The following KLF12 variants were observed in gnomAD, a reference collection of about 807,000 sequenced individuals.
The protein encoded by KLF12 is KLF transcription factor 12, also known as Krueppel-like factor 12.
In KLF12, 9 loss-of-function variants were observed where a neutral mutation model predicts 37.8. That is an observed-to-expected ratio of 0.24 (90% CI 0.14 to 0.42). The LOEUF is 0.42. Ranked by LOEUF, KLF12 falls within the 10% of genes least tolerant of loss-of-function variation. The pLI, the probability that KLF12 is intolerant of heterozygous loss-of-function variation, is 1.00. For missense variants in KLF12, 411 were observed against 516.0 expected, an observed-to-expected ratio of 0.80 and a Z score of 1.97; for synonymous variants, 208 against 202.1, an observed-to-expected ratio of 1.03 and a Z score of -0.25.
the KLF12 span, among the ~76,000 whole-genome samples, chr13:74,282,913 T>C: frequency 6.6e-6 from 1 of 152,176 alleles, no homozygotes; most frequent in Non-Finnish European, 1.5e-5. Context: ...GATTCTAACC[T>C]CCTAGTGTTC....
At chr13:74,115,874 T>G (rs992431465) in intron 1 of KLF12, among the ~76,000 whole-genome samples, 7 of 152,174 alleles carry the variant, frequency 4.6e-5, no homozygotes, top group Non-Finnish European at 8.8e-5. Context: ...ATTTAGAGCT[T>G]ACCTGAGAAA....
intron 2 of KLF12, among the ~76,000 whole-genome samples, chr13:73,945,739 T>C (rs1890394830): frequency 6.6e-6 from 1 of 152,094 alleles, no homozygotes; most frequent in African/African-American, 2.4e-5. Flanking sequence ...GAAAACAAAT[T>C]ACTGTCAATA....
intron 1 of KLF12, among the ~76,000 whole-genome samples, chr13:74,011,582 A>G (rs752530930): frequency 6.6e-6 from 1 of 152,244 alleles, no homozygotes; most frequent in Non-Finnish European, 1.5e-5. Flanking sequence ...CAAGAAAAAA[A>G]GAATTTCCAC....
chr13:73,964,623 AAT>A (rs1555329839), intron 2 of KLF12, among the ~76,000 whole-genome samples: 2 of 151,308 alleles, frequency 1.3e-5, no homozygotes, highest in East Asian at 1.9e-4. Flanking sequence ...AAAAAAAAAA[AAT>A]CTAAGGTCAT....
chr13:74,185,941 G>C, the KLF12 span, among the ~76,000 whole-genome samples: 1 of 152,124 alleles, frequency 6.6e-6, no homozygotes, highest in African/African-American at 2.4e-5. Flanking sequence ...ACTGCGACCG[G>C]CCAAGACTTC....
At chr13:73,721,240 A>G (rs541635914) in intron 6 of KLF12, among the ~76,000 whole-genome samples, 2 of 152,374 alleles carry the variant, frequency 1.3e-5, no homozygotes, top group South Asian at 4.1e-4. Flanking sequence ...CTCAGACCTG[A>G]GTGGTTGATT....
At chr13:73,795,027 T>A (rs146629706) in intron 5 of KLF12, among the ~76,000 whole-genome samples, 34 of 152,362 alleles carry the variant, frequency 2.2e-4, no homozygotes, top group Non-Finnish European at 4.1e-4. Context: ...TCTATCTCTT[T>A]ATGACTGGTT....
chr13:73,708,294 C>T (rs1252161268), intron 7 of KLF12, among the ~76,000 whole-genome samples: 1 of 152,070 alleles, frequency 6.6e-6, no homozygotes, highest in African/African-American at 2.4e-5. Flanking sequence ...CCTACTGGGC[C>T]TCACAAATTT....
chr13:74,276,415 A>G, the KLF12 span, among the ~76,000 whole-genome samples: 3 of 152,108 alleles, frequency 2.0e-5, no homozygotes, highest in Non-Finnish European at 4.4e-5. Flanking sequence ...TAAAAATTCC[A>G]TTCACTTTGG....
At chr13:73,958,294 A>G (rs1890909564) in intron 2 of KLF12, among the ~76,000 whole-genome samples, 1 of 151,382 alleles carries the variant, frequency 6.6e-6, no homozygotes, top group African/African-American at 2.4e-5. Context: ...CCCAGGCTGG[A>G]GTGCAGTGGT....
chr13:73,745,314 A>G (rs1878287481), intron 6 of KLF12, among the ~76,000 whole-genome samples: 1 of 152,182 alleles, frequency 6.6e-6, no homozygotes, highest in Admixed American at 6.5e-5. Flanking sequence ...TAAAATCATG[A>G]CGTTGTGAAA....
intron 2 of KLF12, among the ~76,000 whole-genome samples, chr13:73,970,357 G>T (rs970412261): frequency 5.9e-4 from 85 of 144,572 alleles, no homozygotes; most frequent in African/African-American, 1.7e-3. Context: ...ACTGGTGCTG[G>T]TTTTTTTTTT....
intron 3 of KLF12, among the ~76,000 whole-genome samples, chr13:73,877,507 AG>A (rs1350391235): frequency 6.6e-6 from 1 of 152,200 alleles, no homozygotes; most frequent in African/African-American, 2.4e-5. Context: ...ACAGAATTAT[AG>A]TGAGTGACCA....
At chr13:74,051,341 A>ACAC (rs1872911332) in intron 1 of KLF12, among the ~76,000 whole-genome samples, 47 of 143,690 alleles carry the variant, frequency 3.3e-4, no homozygotes, top group Non-Finnish European at 6.3e-4. Flanking sequence ...TACACACACA[A>ACAC]ACACACACAC....
chr13:73,737,561 C>T (rs1877552457), intron 6 of KLF12, among the ~76,000 whole-genome samples: 1 of 152,092 alleles, frequency 6.6e-6, no homozygotes, highest in African/African-American at 2.4e-5. Context: ...TTTAGACAAA[C>T]ACTGAAGTTA....
At chr13:74,017,107 T>A (rs971192954) in intron 1 of KLF12, among the ~76,000 whole-genome samples, 8 of 151,984 alleles carry the variant, frequency 5.3e-5, no homozygotes, top group African/African-American at 7.3e-5. Flanking sequence ...TGGTAATGTT[T>A]TATGACTATC....
chr13:74,227,589 T>G, the KLF12 span, among the ~76,000 whole-genome samples: 5 of 152,140 alleles, frequency 3.3e-5, no homozygotes, highest in Admixed American at 3.3e-4. Flanking sequence ...GCTCCTTGCT[T>G]AAAGGTTTAA....
chr13:74,033,872 C>T (rs1224538450), intron 1 of KLF12, among the ~76,000 whole-genome samples: 5 of 151,758 alleles, frequency 3.3e-5, no homozygotes, highest in East Asian at 3.9e-4. Context: ...TACATTCACA[C>T]GTTTCATCAG....
chr13:73,960,609 C>T (rs979863448), intron 2 of KLF12, among the ~76,000 whole-genome samples: 1 of 152,152 alleles, frequency 6.6e-6, no homozygotes, highest in African/African-American at 2.4e-5. Context: ...AACACATACA[C>T]ACTGTCCCAT....
Sources: gnomAD v4.1 joint callset for allele counts (sites outside exome capture counted in the v4.1 genomes callset) on GRCh38, gnomAD v4.1.1 for gene constraint, MANE v1.5 for transcripts, NCBI Gene and HGNC (gene_info 2026-07-23, HGNC 2026-07-21) for gene names.